RHBDL1: variants seen among roughly 807,000 people sequenced by gnomAD.
The protein encoded by RHBDL1 is rhomboid-related protein 1.
In RHBDL1, 21 loss-of-function variants were observed where a neutral mutation model predicts 34.0. The ratio of observed to expected loss-of-function variants is 0.62; its 90% CI spans 0.44 to 0.89. RHBDL1 has a LOEUF of 0.89. Among genes scored for constraint, RHBDL1 ranks in the 40% least tolerant of loss-of-function variants. RHBDL1 has a pLI of 0.00. For missense variants in RHBDL1, 450 were observed against 530.6 expected, an observed-to-expected ratio of 0.85 and a Z score of 1.49; for synonymous variants, 268 against 234.8, an observed-to-expected ratio of 1.14 and a Z score of -1.29.
At position 675,774 on chromosome 16, in the gene RHBDL1, G is replaced by C; in HGVS notation, c.-17G>C. 6.9e-7 allele frequency: 1 copy of C among 1,458,974 alleles called. No homozygotes were observed. Among genetic ancestry groups the C allele is most frequent in the African/African-American group, 1.5e-5 (1 of 68,602 alleles). 90.4% of individuals were successfully genotyped at this position (1,458,974 alleles called of 1,614,324 possible). A position where few individuals can be genotyped will look rare whatever the true frequency, so the allele number is the denominator to read the frequency against. ...CCGCGGCCGCCGACCCCGGACCCCGGCCCCCGGCCAGGCTCTATGGACAGG... is the reference window on the plus strand; with the variant it reads ...CCGCGGCCGCCGACCCCGGACCCCGCCCCCCGGCCAGGCTCTATGGACAGG... On this transcript the variant is annotated 5_prime_UTR_variant, in exon 1 of 8. Transcript: ENST00000352681.
Position 676,057 on chromosome 16 carries a change from G to C in RHBDL1, c.39+228G>C. On this transcript the variant is annotated intron_variant, in intron 1 of 7. Coordinates refer to ENST00000352681, the MANE Select transcript of RHBDL1 (RefSeq NM_001278720.2). This position sits in a 1 kb window ranked among gnomAD's most constrained non-coding sequence, Gnocchi z 6.9. ...GGGAGGGAGGGAGGGAGGGAGGGAG[G>C]GCGGGCAGCTGGCTGGTCTTGGACC... 1 of 1,434,702 alleles carries C rather than the reference G, an allele frequency of 7.0e-7. No homozygotes were observed. The highest frequency in any genetic ancestry group is 9.2e-7 in the Non-Finnish European group (1 of 1,089,324). The allele number at this position is 1,434,702 out of a possible 1,614,324, so 88.9% of individuals were successfully genotyped here.
chr16:677,198 G>T (rs1410772456), intron 4 of RHBDL1, 78 bp from the exon 5 acceptor site: 2 of 1,571,228 alleles, frequency 1.3e-6, no homozygotes, highest in Admixed American at 1.8e-5. Flanking sequence ...GGCAGGTGCG[G>T]CAACTTGAGG....
rs1018660790 is a variant in RHBDL1, at chr16:675,799, G to A, written c.9G>A (p.Arg3=). Residue 3 remains arginine (R), a synonymous_variant, in exon 1 of 8, where the codon AGG becomes AGA. Transcript: ENST00000352681. MD[R]SSLLQLIQEQ... Reference sequence around the variant, plus strand: ...GCCCCCGGCCAGGCTCTATGGACAGGAGCTCGCTGCTGCAGCTCATCCAGG... The same window carrying A: ...GCCCCCGGCCAGGCTCTATGGACAGAAGCTCGCTGCTGCAGCTCATCCAGG... 1 of 1,509,722 alleles carries A rather than the reference G, an allele frequency of 6.6e-7. No homozygotes were observed. Among genetic ancestry groups the A allele is most frequent in the Admixed American group, 2.1e-5 (1 of 48,512 alleles). The allele number at this position is 1,509,722 out of a possible 1,614,324, so 93.5% of individuals were successfully genotyped here.
At position 676,371 on chromosome 16, in the gene RHBDL1, G is replaced by C; in HGVS notation, c.75G>C (p.Ala25=). The change falls in exon 2 of 8, where the codon GCG becomes GCC. Residue 25 remains alanine (A), a synonymous_variant. Transcript: ENST00000352681. This position sits in a 1 kb window ranked among gnomAD's most constrained non-coding sequence, Gnocchi z 6.9. ...LDPENTGFIG[A]DTFTGLVHSH... is the part of the protein sequence containing the mutation. ...CCGAGAACACAGGCTTCATCGGTGCGGACACCTTCACTGGCCTGGTGCACA... is the reference window on the plus strand; with the variant it reads ...CCGAGAACACAGGCTTCATCGGTGCCGACACCTTCACTGGCCTGGTGCACA... The C allele has an allele frequency of 2.5e-6, 4 of 1,609,898 alleles. No homozygotes were observed. Among genetic ancestry groups the C allele is most frequent in the Non-Finnish European group, 2.5e-6 (3 of 1,179,086 alleles).
chr16:677,712 CG>C lies in RHBDL1; in HGVS notation c.850+19del, dbSNP rs764169551. The C allele has an allele frequency of 1.3e-5, 19 of 1,519,582 alleles. No individual in the cohort carries two copies. The Admixed American group carries it at 1.9e-4, about 15-fold the overall frequency. 94.1% of individuals were successfully genotyped at this position (1,519,582 alleles called of 1,614,324 possible). ...GCCTTGGTGTGCAGTGAGTAGGGGCCGGGGGGAGGGCCGGGGGGCCTCTCAG... is the reference window on the plus strand; with the variant it reads ...GCCTTGGTGTGCAGTGAGTAGGGGCCGGGGGAGGGCCGGGGGGCCTCTCAG... On this transcript the variant is annotated intron_variant, in intron 7 of 7. Coordinates refer to ENST00000352681, the MANE Select transcript of RHBDL1 (RefSeq NM_001278720.2).
In RHBDL1 at chr16:677,127, G is replaced by C. The variant is rs202127119; in HGVS notation, c.575+8G>C. On this transcript the variant is annotated splice_region_variant and intron_variant, in intron 4 of 7. Transcript: ENST00000352681. ...CATGTTCATGCACGTTGGGTGAGTA[G>C]CACTGCTGCCCGGTGAGCCCCGCCC... 441 of 1,603,578 alleles carry C rather than the reference G, an allele frequency of 2.8e-4. No individual in the cohort carries two copies. In the African/African-American group the frequency reaches 5.4e-3, roughly 20 times the overall value.
rs769333475 is a variant in RHBDL1 at position 677,928 on chromosome 16, G to A, written c.998G>A (p.Arg333His). 1.2e-6 allele frequency: 2 copies of A among 1,603,646 alleles called. No homozygotes were observed. Among genetic ancestry groups the A allele is most frequent in the Non-Finnish European group, 1.7e-6 (2 of 1,179,350 alleles). ...ACCATCCTGCGGAGCTACGAGGAGC[G>A]CCTGCGGGACCAGTGCGGCTGGTGG... is the stretch of plus-strand genomic sequence containing the variant. ...GLTILRSYEE[R>H]LRDQCGWWVV... The change falls in exon 8 of 8, where the codon CGC (arginine) becomes CAC (histidine). Residue 333 changes from arginine to histidine, a missense_variant. By Grantham distance (29) the Arg-to-His change is conservative. Transcript: ENST00000352681.
rs1161768226 is a variant in RHBDL1 at position 677,705 on chromosome 16, T to C, written c.850+6T>C. The C allele has an allele frequency of 6.5e-7, 1 of 1,532,536 alleles. No homozygotes were observed. Among genetic ancestry groups the C allele is most frequent in the Non-Finnish European group, 8.8e-7 (1 of 1,139,756 alleles). The allele number at this position is 1,532,536 out of a possible 1,614,324, so 94.9% of individuals were successfully genotyped here. On this transcript the variant is annotated splice_donor_region_variant and intron_variant, in intron 7 of 7. Transcript: ENST00000352681. ...GGTGCTGGCCTTGGTGTGCAGTGAGTAGGGGCCGGGGGGAGGGCCGGGGGG... is the reference window on the plus strand; with the variant it reads ...GGTGCTGGCCTTGGTGTGCAGTGAGCAGGGGCCGGGGGGAGGGCCGGGGGG...
Position 676,295 on chromosome 16 carries a change from G to T in RHBDL1, c.40-41G>T, listed in dbSNP as rs376628523. On this transcript the variant is annotated intron_variant, in intron 1 of 7. Transcript: ENST00000352681. This position sits in a 1 kb window ranked among gnomAD's most constrained non-coding sequence, Gnocchi z 6.9. ...GGCCCAGCCCTTTGGTCCAGGGGTC[G>T]GGCCCGCACTCAGGCCTTGGCTGGC... is the stretch of plus-strand genomic sequence containing the variant. 1.1e-5 allele frequency: 18 copies of T among 1,595,424 alleles called. No individual in the cohort carries two copies. The South Asian group carries it at 2.0e-4, about 18-fold the overall frequency.
At position 677,406 on chromosome 16, in the gene RHBDL1, C is replaced by T. The variant is rs761244076; in HGVS notation, c.688+18C>T. Reference sequence around the variant, plus strand: ...GCTGGCAGGTGAGGCAGGCGCGCACCCCCGCCCCCTGCCCTGGCCGGCTGC... The same window carrying T: ...GCTGGCAGGTGAGGCAGGCGCGCACTCCCGCCCCCTGCCCTGGCCGGCTGC... On this transcript the variant is annotated intron_variant, in intron 5 of 7. Coordinates refer to ENST00000352681, the MANE Select transcript of RHBDL1 (RefSeq NM_001278720.2). 6.4e-7 allele frequency: 1 copy of T among 1,569,528 alleles called. No individual in the cohort carries two copies. Among genetic ancestry groups the T allele is most frequent in the Non-Finnish European group, 8.6e-7 (1 of 1,160,154 alleles).
rs1367323422 is a variant in RHBDL1, at chr16:677,371, TGGCAGGCGTGCTGGCAGGTGA to T, written c.680_688+12del. 4 of 1,574,014 alleles carry T rather than the reference TGGCAGGCGTGCTGGCAGGTGA, an allele frequency of 2.5e-6. No homozygotes were observed. Among genetic ancestry groups the T allele is most frequent in the Non-Finnish European group, 3.4e-6 (4 of 1,160,524 alleles). ...CTGCTCCGCATCAGCCTGCTCTACC[TGGCAGGCGTGCTGGCAGGTGA>T]GGCAGGCGCGCACCCCCGCCCCCTG... On this transcript the variant is annotated splice_donor_variant and splice_donor_region_variant and coding_sequence_variant and intron_variant, in exon 5 of 8. Transcript: ENST00000352681. LOFTEE classifies it high-confidence loss of function.
chr16:677,639 A>T lies in RHBDL1; in HGVS notation c.790A>T (p.Asn264Tyr). ...ACTTCTCGTCTGCACACACCCATAG[A>T]ACTGGGCTGGGATGAGATGTCCCTA... Reference protein sequence around the residue: ...CSAHLANVVMNWAGMRCPYKL... With the variant: ...CSAHLANVVMYWAGMRCPYKL... Residue 264 changes from asparagine to tyrosine, a missense_variant and splice_region_variant, in exon 7 of 8, where the codon AAC becomes TAC. Transcript: ENST00000352681. 1.9e-6 allele frequency: 3 copies of T among 1,586,424 alleles called. No individual in the cohort carries two copies. The highest frequency in any genetic ancestry group is 2.6e-6 in the Non-Finnish European group (3 of 1,164,582).
At position 676,052 on chromosome 16, in the gene RHBDL1, G is replaced by GATCTC; in HGVS notation, c.39+223_39+224insATCTC. 1.4e-6 allele frequency: 2 copies of GATCTC among 1,436,180 alleles called. No individual in the cohort carries two copies. Among genetic ancestry groups the GATCTC allele is most frequent in the Admixed American group, 2.9e-5 (1 of 34,574 alleles). 89.0% of individuals were successfully genotyped at this position (1,436,180 alleles called of 1,614,324 possible). A position where few individuals can be genotyped will look rare whatever the true frequency, so the allele number is the denominator to read the frequency against. The stretch of plus-strand genomic sequence containing the variant: ...TCGGGGGGAGGGAGGGAGGGAGGGA[G>GATCTC]GGAGGGCGGGCAGCTGGCTGGTCTT... On this transcript the variant is annotated intron_variant, in intron 1 of 7. Coordinates refer to ENST00000352681, the MANE Select transcript of RHBDL1 (RefSeq NM_001278720.2). This position sits in a 1 kb window ranked among gnomAD's most constrained non-coding sequence, Gnocchi z 6.9.
Position 676,199 on chromosome 16 carries a change from G to A in RHBDL1, c.40-137G>A, listed in dbSNP as rs2039539302. On this transcript the variant is annotated intron_variant, in intron 1 of 7. Coordinates refer to ENST00000352681, the MANE Select transcript of RHBDL1 (RefSeq NM_001278720.2). This position sits in a 1 kb window ranked among gnomAD's most constrained non-coding sequence, Gnocchi z 6.9. ...GCTCCTGGGATCAAGCAGGGTCCCA[G>A]GGAACAGACAGGCACGGGGCCCCTG... is the stretch of plus-strand genomic sequence containing the variant. 1.3e-6 allele frequency: 2 copies of A among 1,526,600 alleles called. No individual in the cohort carries two copies. Among genetic ancestry groups the A allele is most frequent in the African/African-American group, 1.4e-5 (1 of 72,208 alleles). 94.6% of individuals were successfully genotyped at this position (1,526,600 alleles called of 1,614,324 possible).
intron 1 of RHBDL1, 42 bp downstream of exon 1, chr16:675,871 T>C: frequency 6.7e-7 from 1 of 1,483,760 alleles, no homozygotes. Flanking sequence ...CCGCCCCCAA[T>C]GCGGCCCTCC....
chr16:675,691 C>CGGGCGGAGCGGGCCGGCTG lies in RHBDL1; in HGVS notation c.-88_-70dup. The CGGGCGGAGCGGGCCGGCTG allele has an allele frequency of 4.1e-6, 2 of 492,314 alleles. No individual in the cohort carries two copies. The highest frequency in any genetic ancestry group is 2.9e-6 in the Non-Finnish European group (1 of 339,382). The allele number at this position is 492,314 out of a possible 1,614,324, so 30.5% of individuals were successfully genotyped here. Reference sequence around the variant, plus strand: ...GGCCCAAGCGCGGCGCCGAGCGGAGCGGGCGGAGCGGGCCGGCTGGGGCGG... The same window carrying CGGGCGGAGCGGGCCGGCTG: ...GGCCCAAGCGCGGCGCCGAGCGGAGCGGGCGGAGCGGGCCGGCTGGGGCGGAGCGGGCCGGCTGGGGCGG... On this transcript the variant is annotated 5_prime_UTR_variant, in exon 1 of 8. Coordinates refer to ENST00000352681, the MANE Select transcript of RHBDL1 (RefSeq NM_001278720.2).
At position 676,031 on chromosome 16, in the gene RHBDL1, G is replaced by GGGGA. The variant is rs561817432; in HGVS notation, c.39+226_39+229dup. On this transcript the variant is annotated intron_variant, in intron 1 of 7. Coordinates refer to ENST00000352681, the MANE Select transcript of RHBDL1 (RefSeq NM_001278720.2). This position sits in a 1 kb window ranked among gnomAD's most constrained non-coding sequence, Gnocchi z 6.9. Reference sequence around the variant, plus strand: ...TCCTGGCTGGAGAAGGGAGAGTCGGGGGGAGGGAGGGAGGGAGGGAGGGAG... The same window carrying GGGGA: ...TCCTGGCTGGAGAAGGGAGAGTCGGGGGGAGGGAGGGAGGGAGGGAGGGAGGGAG... The GGGGA allele has an allele frequency of 9.8e-3, 13,533 of 1,387,970 alleles. 170 individuals are homozygous for GGGGA. The highest frequency in any genetic ancestry group is 0.07 in the Admixed American group (2,320 of 33,228). 86.0% of individuals were successfully genotyped at this position (1,387,970 alleles called of 1,614,324 possible). A position where few individuals can be genotyped will look rare whatever the true frequency, so the allele number is the denominator to read the frequency against.
rs1451654632 is a variant in RHBDL1, at chr16:676,089, C to G, written c.40-247C>G. ...AGCTGGCTGGTCTTGGACCTTGGCC[C>G]TCGCTTTCCAGGATGGGTAGGGTGG... On this transcript the variant is annotated intron_variant, in intron 1 of 7. Coordinates refer to ENST00000352681, the MANE Select transcript of RHBDL1 (RefSeq NM_001278720.2). The surrounding 1 kb of genome is among the most constrained non-coding windows in gnomAD (Gnocchi z 6.9). 3 of 1,444,484 alleles carry G rather than the reference C, an allele frequency of 2.1e-6. No individual in the cohort carries two copies. The highest frequency in any genetic ancestry group is 2.7e-6 in the Non-Finnish European group (3 of 1,094,964). 89.5% of individuals were successfully genotyped at this position (1,444,484 alleles called of 1,614,324 possible).
chr16:677,991 C>CCGTCTTCTGGAA lies in RHBDL1; in HGVS notation c.1069_1080dup (p.Trp357_Phe360dup). The CCGTCTTCTGGAA allele has an allele frequency of 6.3e-7, 1 of 1,599,810 alleles. No homozygotes were observed. Among genetic ancestry groups the CCGTCTTCTGGAA allele is most frequent in the Non-Finnish European group, 8.5e-7 (1 of 1,178,850 alleles). ...GCCTACGGCACCTTCCTGCTCTTCG[C>CCGTCTTCTGGAA]CGTCTTCTGGAACGTCTTCGCCTAC... On this transcript the variant is annotated inframe_insertion, in exon 8 of 8. Coordinates refer to ENST00000352681, the MANE Select transcript of RHBDL1 (RefSeq NM_001278720.2).
Sources: gnomAD v4.1 joint callset for allele counts on GRCh38, gnomAD v4.1.1 for gene constraint, Gnocchi (gnomAD v3.1) non-coding constraint, MANE v1.5 for transcripts, NCBI Gene and HGNC (gene_info 2026-07-23, HGNC 2026-07-21) for gene names.